Variants in RMDN2 observed in about 807,000 individuals in gnomAD.
RMDN2 encodes regulator of microtubule dynamics protein 2.
RMDN2 carries 61 observed loss-of-function variants against 52.8 expected under a neutral mutation model. That is an observed-to-expected ratio of 1.16 (90% CI 0.94 to 1.43). The LOEUF (loss-of-function observed/expected upper bound fraction) is 1.43. Among genes scored for constraint, RMDN2 ranks in the 40% most tolerant of loss-of-function variants. The pLI is 0.00. For synonymous variants in RMDN2, 180 were observed against 153.1 expected (o/e 1.18, Z -1.30); for missense variants, 592 against 475.3 (o/e 1.25, Z -2.28).
At chr2:37,992,658 C>G (rs779530043) in intron 7 of RMDN2, among the ~76,000 whole-genome samples, 1 of 152,054 alleles carries the variant, frequency 6.6e-6, no homozygotes, top group Non-Finnish European at 1.5e-5. Flanking sequence ...GCTGCTTCTA[C>G]AAGTATTTGT....
chr2:37,943,594 T>C (rs1420748812), intron 2 of RMDN2, among the ~76,000 whole-genome samples: 1 of 152,260 alleles, frequency 6.6e-6, no homozygotes, highest in African/African-American at 2.4e-5. Flanking sequence ...TGAATTGTTT[T>C]ATAAAGTAGA....
In RMDN2 at chr2:37,951,192, C is replaced by T. The variant is rs753649851; in HGVS notation, c.452+21463C>T. The T allele has an allele frequency of 6.0e-5, 91 of 1,513,510 alleles. No homozygotes were observed. The Middle Eastern group carries it at 1.1e-3, about 18-fold the overall frequency. 93.8% of individuals were successfully genotyped at this position (1,513,510 alleles called of 1,614,324 possible). On this transcript the variant is annotated intron_variant, in intron 2 of 10. Transcript: ENST00000354545. ...AGGCTTGGCAGGTCTCCACTCTGCT[C>T]CCTATTTTTTTTCCTCATTTGACCC...
At chr2:37,976,714 A>G (rs1672511764) in intron 4 of RMDN2, among the ~76,000 whole-genome samples, 1 of 152,192 alleles carries the variant, frequency 6.6e-6, no homozygotes. Context: ...AGATGTATTA[A>G]TTTCAACATA....
chr2:37,951,985 G>A, intron 2 of RMDN2: 1 of 1,613,296 alleles, frequency 6.2e-7, no homozygotes, highest in Non-Finnish European at 8.5e-7. Context: ...GAAAGTTACA[G>A]CACAGATCAT....
intron 2 of RMDN2, among the ~76,000 whole-genome samples, chr2:37,949,614 G>A (rs930132995): frequency 6.6e-6 from 1 of 152,140 alleles, no homozygotes; most frequent in African/African-American, 2.4e-5. Context: ...TTACAAATCC[G>A]ACCATTGTAT....
At chr2:37,936,483 T>A (rs534517505) in intron 2 of RMDN2, among the ~76,000 whole-genome samples, 2 of 152,340 alleles carry the variant, frequency 1.3e-5, no homozygotes, top group South Asian at 4.1e-4. Context: ...TCTTCCAAAA[T>A]GGTTAAACTA....
At chr2:38,010,551 C>A (rs1677823935) in intron 10 of RMDN2, among the ~76,000 whole-genome samples, 1 of 152,190 alleles carries the variant, frequency 6.6e-6, no homozygotes, top group Non-Finnish European at 1.5e-5. Flanking sequence ...CTTGCTAAGA[C>A]CATTGGAAAA....
At chr2:37,971,877 C>T (rs187232423) in intron 2 of RMDN2, among the ~76,000 whole-genome samples, 4 of 152,226 alleles carry the variant, frequency 2.6e-5, no homozygotes, top group Admixed American at 2.0e-4. Context: ...TTTAATTCTA[C>T]AAAAATTCCT....
At chr2:38,004,287 C>A in intron 10 of RMDN2, 71 bp downstream of exon 10, 2 of 962,080 alleles carry the variant, frequency 2.1e-6, no homozygotes, top group Non-Finnish European at 1.7e-6. Flanking sequence ...AGGAATAACT[C>A]GCTTAGATAC....
chr2:38,062,741 A>G (rs1382030641), intron 10 of RMDN2, among the ~76,000 whole-genome samples: 1 of 151,440 alleles, frequency 6.6e-6, no homozygotes, highest in Non-Finnish European at 1.5e-5. Context: ...AGCATTAGGT[A>G]TATCTCCAAA....
rs570470761 is a variant in RMDN2, at chr2:37,990,797, A to G, written c.868-423A>G. 2.0e-5 allele frequency among the ~76,000 whole-genome samples: 3 copies of G among 152,258 alleles called. No individual in the cohort carries two copies. In the East Asian group the frequency reaches 5.8e-4, roughly 29 times the overall value. On this transcript the variant is annotated intron_variant, in intron 6 of 10. Coordinates refer to ENST00000354545, the MANE Select transcript of RMDN2 (RefSeq NM_001170791.3). ...GTTCTTCCCTATTTTCCAGCTCCCT[A>G]TAACCATTTGATAATGCCAGAGGAA... is the stretch of plus-strand genomic sequence containing the variant.
At position 37,974,934 on chromosome 2, in the gene RMDN2, G is replaced by C. The variant is rs114186286; in HGVS notation, c.628-278G>C. 1,096 of 311,988 alleles carry C rather than the reference G, an allele frequency of 3.5e-3. 15 individuals are homozygous for C. The highest frequency in any genetic ancestry group is 0.022 in the African/African-American group (1,000 of 45,152). 19.3% of individuals were successfully genotyped at this position (311,988 alleles called of 1,614,324 possible). Reference sequence around the variant, plus strand: ...AGCTCAGGAAGAATTTCTAGATTTTGGTGCCTATCAAATCTCTTCTCTGCA... The same window carrying C: ...AGCTCAGGAAGAATTTCTAGATTTTCGTGCCTATCAAATCTCTTCTCTGCA... On this transcript the variant is annotated intron_variant, in intron 3 of 10. Transcript: ENST00000354545.
At chr2:38,066,814 G>A (rs1308488944) in intron 10 of RMDN2, 2 of 608,862 alleles carry the variant, frequency 3.3e-6, no homozygotes, top group Non-Finnish European at 6.0e-6. Flanking sequence ...ATTCTTAACT[G>A]TCCTGACATT....
At chr2:38,039,047 TACACACACACACACACACACACACAC>T (rs71414270) in intron 10 of RMDN2, among the ~76,000 whole-genome samples, 2 of 127,292 alleles carry the variant, frequency 1.6e-5, no homozygotes, top group African/African-American at 5.8e-5. Context: ...CCAGATGCTA[TACACACACACACACACACACACACAC>T]ACACACACAC....
At chr2:37,945,878 G>A (rs765263804) in intron 2 of RMDN2, among the ~76,000 whole-genome samples, 2 of 152,138 alleles carry the variant, frequency 1.3e-5, no homozygotes, top group African/African-American at 2.4e-5. Flanking sequence ...AAAGTACACG[G>A]TGTCAGAATG....
rs1672143332 is a variant in RMDN2 at position 37,974,064 on chromosome 2, A to G, written c.477A>G (p.Thr159=). The G allele has an allele frequency of 1.2e-6, 2 of 1,610,776 alleles. No homozygotes were observed. The highest frequency in any genetic ancestry group is 1.7e-6 in the Non-Finnish European group (2 of 1,178,636). The change falls in exon 3 of 11, where the codon ACA becomes ACG. Residue 159 remains threonine (T), a synonymous_variant. Coordinates refer to ENST00000354545, the MANE Select transcript of RMDN2 (RefSeq NM_001170791.3). ...GGTATATTACAGCTAATACTGACAC[A>G]GAAGAACAGAGTTTTCCAGTCCCTA... is the stretch of plus-strand genomic sequence containing the variant. The part of the protein sequence containing the change: ...EGGYITANTD[T]EEQSFPVPKA...
chr2:38,028,229 G>T (rs148416625), intron 10 of RMDN2: 1 of 152,180 alleles, frequency 6.6e-6, no homozygotes, highest in Admixed American at 6.5e-5. Context: ...AATTAAGTAT[G>T]AAAGTGACTA....
intron 8 of RMDN2, among the ~76,000 whole-genome samples, chr2:38,003,601 T>TAGATAGATAGGCAGAC (rs1399175169): frequency 8.1e-6 from 1 of 124,070 alleles, no homozygotes; most frequent in Non-Finnish European, 1.9e-5. Flanking sequence ...GATAGATAGA[T>TAGATAGATAGGCAGAC]AGGCAGACAG....
Position 38,042,426 on chromosome 2 carries a change from A to ACACACACACAC in RMDN2, c.1714-24555_1714-24545dup, listed in dbSNP as rs1558582673. Among the ~76,000 whole-genome samples the ACACACACACAC allele has an allele frequency of 4.2e-3, 611 of 144,266 alleles. 7 individuals are homozygous for ACACACACACAC. The highest frequency in any genetic ancestry group is 0.015 in the African/African-American group (574 of 37,298). The allele number at this position is 144,266 out of a possible 152,430, so 94.6% of individuals were successfully genotyped here. ...CGCCACACACACACACACACACACC[A>ACACACACACAC]CACACACACACACACACCACACACA... On this transcript the variant is annotated intron_variant, in intron 10 of 10. Transcript: ENST00000234195.
Sources: allele counts gnomAD v4.1 joint callset (sites outside exome capture counted in the v4.1 genomes callset), GRCh38; gene constraint gnomAD v4.1.1; transcripts MANE v1.5; gene names NCBI Gene and HGNC (gene_info 2026-07-23, HGNC 2026-07-21).